Variants in USP6 observed in about 807,000 individuals in gnomAD.
USP6 encodes ubiquitin specific peptidase 6, also known as ubiquitin carboxyl-terminal hydrolase 6.
Under a neutral mutation model 175.7 loss-of-function variants are expected in USP6, and 128 were observed. The observed-to-expected ratio is 0.73, with a 90% CI of 0.63 to 0.84. The LOEUF (loss-of-function observed/expected upper bound fraction) is 0.84, where lower values mean the gene tolerates loss of function less well. USP6 is among the 40% of genes least tolerant of loss of function. The pLI, the probability that USP6 is intolerant of heterozygous loss-of-function variation, is 0.00. For missense variants in USP6, 1,498 were observed against 1,760.3 expected (o/e 0.85, Z 2.67); for synonymous variants, 562 against 630.6 (o/e 0.89, Z 1.63).
At position 5,144,833 on chromosome 17, in the gene USP6, T is replaced by G; in HGVS notation, c.1962T>G (p.Asp654Glu). ...CATATGTGGAACTGAAGGACAGTGA[T>G]GGCCGACCAGACTGGGAAGTAGCTG... is the stretch of plus-strand genomic sequence containing the variant. ...EKPYVELKDS[D>E]GRPDWEVAAE... Residue 654 changes from aspartate (D) to glutamate (E), a missense_variant, in exon 26 of 38, where the codon GAT becomes GAG. Asp to Glu is a conservative substitution (Grantham distance 45). This residue lies in a region of USP6 where 1,217 missense variants were observed against 1,500.8 expected (regional missense o/e 0.81). Coordinates refer to ENST00000574788, the MANE Select transcript of USP6 (RefSeq NM_001304284.2). The G allele has an allele frequency of 1.9e-6, 3 of 1,606,834 alleles. No individual in the cohort carries two copies. Among genetic ancestry groups the G allele is most frequent in the Non-Finnish European group, 2.6e-6 (3 of 1,174,136 alleles).
chr17:5,155,723 TAA>T, intron 31 of USP6, 117 bp downstream of exon 31: 1 of 880,168 alleles, frequency 1.1e-6, no homozygotes, highest in Middle Eastern at 2.9e-4. Flanking sequence ...CCAGCCAAAA[TAA>T]GTTATTTAAA....
At chr17:5,162,854 T>C (rs1390595935) in intron 32 of USP6, 30 bp from the exon 33 acceptor site, 1 of 1,581,644 alleles carries the variant, frequency 6.3e-7, no homozygotes, top group Non-Finnish European at 8.5e-7. Context: ...TAATTATTTC[T>C]TCCTCTGTGG....
rs2074012292 is a variant in USP6 at position 5,161,933 on chromosome 17, AC to A, written c.2915+322del. On this transcript the variant is annotated intron_variant, in intron 32 of 37. Transcript: ENST00000574788. ...AGACTGAGGCAGGAGAATCACTTGAACCCAGGAGGCGGAGACTGCAGTGAGC... is the reference window on the plus strand; with the variant it reads ...AGACTGAGGCAGGAGAATCACTTGAACCAGGAGGCGGAGACTGCAGTGAGC... Among the ~76,000 whole-genome samples, 3 of 152,104 alleles carry A rather than the reference AC, an allele frequency of 2.0e-5. No homozygotes were observed. In the South Asian group the frequency reaches 6.2e-4, roughly 32 times the overall value.
intron 30 of USP6, among the ~76,000 whole-genome samples, chr17:5,153,493 T>C (rs1006544564): frequency 6.6e-6 from 1 of 151,674 alleles, no homozygotes; most frequent in African/African-American, 2.4e-5. Flanking sequence ...TCTATGTTGG[T>C]TAGGTTGGTC....
Position 5,142,441 on chromosome 17 carries a change from G to A in USP6, c.1757G>A (p.Gly586Asp). 1.9e-6 allele frequency: 3 copies of A among 1,613,924 alleles called. No homozygotes were observed. Among genetic ancestry groups the A allele is most frequent in the Non-Finnish European group, 2.5e-6 (3 of 1,179,828 alleles). ...GMKGHMAKCY[G>D]DLVQELWSGT... ...AAGGGGCATATGGCTAAATGCTATG[G>A]TGATTTAGTGCAGGAACTCTGGAGT... Residue 586 changes from glycine (G) to aspartate (D), a missense_variant, in exon 25 of 38, where the codon GGT becomes GAT. Physicochemically the swap from Gly to Asp is moderately conservative, Grantham distance 94. Coordinates refer to ENST00000574788, the MANE Select transcript of USP6 (RefSeq NM_001304284.2).
At chr17:5,166,758 A>T (rs1269274980) in intron 33 of USP6, among the ~76,000 whole-genome samples, 1 of 152,018 alleles carries the variant, frequency 6.6e-6, no homozygotes, top group Non-Finnish European at 1.5e-5. Flanking sequence ...GGTAGCAGCC[A>T]GGCATGGAGA....
rs1230951899 is a variant in USP6, at chr17:5,142,491, T to G, written c.1807T>G (p.Leu603Val). The G allele has an allele frequency of 1.2e-6, 2 of 1,612,056 alleles. No individual in the cohort carries two copies. The highest frequency in any genetic ancestry group is 1.7e-6 in the Non-Finnish European group (2 of 1,179,056). ...TGGAACTCAGAAGAGTGTTGCCCCA[T>G]TAAAGCTTCGGGTAAGCAGGTTAAA... is the stretch of plus-strand genomic sequence containing the variant. ...WSGTQKSVAP[L>V]KLRRTIAKYA... The change falls in exon 25 of 38, where the codon TTA becomes GTA. Residue 603 changes from leucine to valine, a missense_variant. Around this residue, in one of 2 missense-constraint regions of USP6, gnomAD observed 1,217 missense variants for 1,500.8 expected, o/e 0.81. Transcript: ENST00000574788.
At chr17:5,140,957 T>C (rs2073427407) in intron 22 of USP6, among the ~76,000 whole-genome samples, 1 of 152,244 alleles carries the variant, frequency 6.6e-6, no homozygotes, top group African/African-American at 2.4e-5. Context: ...TTCTTAAATT[T>C]TTTTAAGAGA....
chr17:5,164,547 T>A (rs115034208), intron 33 of USP6, among the ~76,000 whole-genome samples: 1,962 of 152,360 alleles, frequency 0.013, 41 homozygotes, highest in African/African-American at 0.044. Flanking sequence ...CTTCCTCTTT[T>A]TAACAAATCC....
chr17:5,140,574 T>TA (rs1355522380), intron 22 of USP6, among the ~76,000 whole-genome samples: 3 of 152,066 alleles, frequency 2.0e-5, no homozygotes, highest in Non-Finnish European at 2.9e-5. Context: ...CAATATCTCT[T>TA]AAAAAAAATT....
intron 19 of USP6, 147 bp from the exon 20 acceptor site, chr17:5,137,504 C>T: frequency 1.2e-6 from 1 of 868,192 alleles, no homozygotes; most frequent in East Asian, 2.5e-5. Flanking sequence ...GTTGCAAGAC[C>T]TTTTCTGACT....
chr17:5,119,809 T>G (rs2072611196), intron 2 of USP6, among the ~76,000 whole-genome samples: 1 of 152,220 alleles, frequency 6.6e-6, no homozygotes, highest in Non-Finnish European at 1.5e-5. Context: ...GATAAACAGC[T>G]GGGAGAAAGA....
chr17:5,136,315 C>T (rs1005801948), intron 17 of USP6, among the ~76,000 whole-genome samples: 6 of 152,228 alleles, frequency 3.9e-5, no homozygotes, highest in African/African-American at 1.4e-4. Flanking sequence ...TCTCACCATC[C>T]CGTGTCCCCT....
At chr17:5,145,670 A>G in intron 27 of USP6, 91 bp downstream of exon 27, 3 of 1,438,918 alleles carry the variant, frequency 2.1e-6, no homozygotes, top group Non-Finnish European at 2.8e-6. Flanking sequence ...ATTTGTTTAC[A>G]AATAAAGACT....
rs758764946 is a variant in USP6 at position 5,167,952 on chromosome 17, T to C, written c.3057T>C (p.Ser1019=). Residue 1019 remains serine (S), a synonymous_variant, in exon 34 of 38, where the codon AGT becomes AGC. Coordinates refer to ENST00000574788, the MANE Select transcript of USP6 (RefSeq NM_001304284.2). The part of the protein sequence containing the change: ...SQERVVDKHE[S]VEQSRRAQAE... ...TACAGGTTGTAGATAAGCATGAGAG[T>C]GTGGAGCAGAGTCGGCGAGCGCAAG... 6 of 1,611,080 alleles carry C rather than the reference T, an allele frequency of 3.7e-6. No individual in the cohort carries two copies. Among genetic ancestry groups the C allele is most frequent in the Non-Finnish European group, 5.1e-6 (6 of 1,179,482 alleles).
chr17:5,126,228 C>T (rs994151957), intron 6 of USP6, among the ~76,000 whole-genome samples: 1 of 152,210 alleles, frequency 6.6e-6, no homozygotes, highest in African/African-American at 2.4e-5. Flanking sequence ...ATGTACCCAG[C>T]TGCTTAGGGC....
intron 36 of USP6, 27 bp downstream of exon 36, chr17:5,170,942 G>C: frequency 6.2e-7 from 1 of 1,604,340 alleles, no homozygotes; most frequent in African/African-American, 1.3e-5. Context: ...ACGGTTTTCA[G>C]AGAGTGGTCT....
At chr17:5,143,908 A>G (rs1055322448) in intron 25 of USP6, among the ~76,000 whole-genome samples, 8 of 152,196 alleles carry the variant, frequency 5.3e-5, no homozygotes, top group Non-Finnish European at 1.2e-4. Context: ...CCTGGGCAGC[A>G]GAGTAAGACT....
chr17:5,119,167 A>G (rs2072597316), intron 2 of USP6, among the ~76,000 whole-genome samples: 1 of 152,198 alleles, frequency 6.6e-6, no homozygotes, highest in Non-Finnish European at 1.5e-5. Flanking sequence ...CAAAGAGATT[A>G]TCAGACTCTG....
Sources: allele counts gnomAD v4.1 joint callset (sites outside exome capture counted in the v4.1 genomes callset), GRCh38; gene constraint gnomAD v4.1.1; regional missense constraint gnomAD v4.1.1; transcripts MANE v1.5; gene names NCBI Gene and HGNC (gene_info 2026-07-23, HGNC 2026-07-21).